RBMS3: variants seen among roughly 807,000 people sequenced by gnomAD.
RBMS3 encodes RNA binding motif single stranded interacting protein 3, also known as RNA-binding motif, single-stranded-interacting protein 3.
Under a neutral mutation model 66.8 loss-of-function variants are expected in RBMS3, and 27 were observed. The observed-to-expected ratio is 0.40, with a 90% CI of 0.30 to 0.56. The LOEUF (loss-of-function observed/expected upper bound fraction) is 0.56. RBMS3 is among the 20% of genes least tolerant of loss of function. The probability of loss-of-function intolerance (pLI) is 0.40; values close to 1 mark genes in which losing one functional copy is unlikely to be tolerated. For synonymous variants in RBMS3, 188 were observed against 183.0 expected, an observed-to-expected ratio of 1.03 and a Z score of -0.22; for missense variants, 513 against 549.5, an observed-to-expected ratio of 0.93 and a Z score of 0.66.
At chr3:29,285,204 A>C (rs112410595) in intron 1 of RBMS3, among the ~76,000 whole-genome samples, 1,596 of 113,598 alleles carry the variant, frequency 0.014, 37 homozygotes, top group African/African-American at 0.048. Flanking sequence ...GCTGAATTTC[A>C]TTCTGAATTT....
intron 4 of RBMS3, among the ~76,000 whole-genome samples, chr3:29,693,938 T>A (rs1290295792): frequency 6.6e-6 from 1 of 152,258 alleles, no homozygotes; most frequent in Non-Finnish European, 1.5e-5. Flanking sequence ...CACTGATTAC[T>A]GTAGACAGTG....
chr3:29,356,392 G>T (rs2037223596), intron 1 of RBMS3, among the ~76,000 whole-genome samples: 1 of 152,138 alleles, frequency 6.6e-6, no homozygotes, highest in East Asian at 1.9e-4. Flanking sequence ...CAAGCAATTA[G>T]ATTATAATAA....
chr3:29,869,956 G>A (rs989251589), intron 7 of RBMS3, among the ~76,000 whole-genome samples: 4 of 152,096 alleles, frequency 2.6e-5, no homozygotes, highest in African/African-American at 9.7e-5. Context: ...AAATCCTTTA[G>A]CCTTTTTTCA....
intron 3 of RBMS3, among the ~76,000 whole-genome samples, chr3:29,510,194 A>G (rs542764754): frequency 1.4e-4 from 21 of 152,314 alleles, no homozygotes; most frequent in South Asian, 2.1e-4. Context: ...ATTCTTTATC[A>G]AGTCTGAATT....
chr3:29,638,860 G>A (rs1227720855), intron 4 of RBMS3, among the ~76,000 whole-genome samples: 1 of 151,802 alleles, frequency 6.6e-6, no homozygotes, highest in Non-Finnish European at 1.5e-5. Context: ...TTGTTGATCA[G>A]ACATTGCTTC....
In RBMS3 at chr3:29,502,525, CT is replaced by C. The variant is rs1261120208; in HGVS notation, c.307+14028del. ...ACATGTAGTAGTTCTTATTCTCCCA[CT>C]TCCATCCCACTATAAACAGTATCGA... On this transcript the variant is annotated intron_variant, in intron 3 of 14. Transcript: ENST00000383767. Among the ~76,000 whole-genome samples the C allele has an allele frequency of 5.2e-4, 79 of 152,138 alleles. 1 individual carries two copies.
chr3:29,366,324 A>G (rs2037900711), intron 1 of RBMS3, among the ~76,000 whole-genome samples: 2 of 152,214 alleles, frequency 1.3e-5, no homozygotes, highest in Admixed American at 1.3e-4. Flanking sequence ...CAATTTGAGA[A>G]CTATAACATG....
chr3:29,451,028 G>A (rs1309004706), intron 2 of RBMS3, among the ~76,000 whole-genome samples: 3 of 151,842 alleles, frequency 2.0e-5, no homozygotes, highest in Non-Finnish European at 4.4e-5. Context: ...TGTCTTCATC[G>A]ACTCCCCCAC....
chr3:29,949,754 T>C (rs949447094), intron 12 of RBMS3, among the ~76,000 whole-genome samples: 2 of 151,302 alleles, frequency 1.3e-5, no homozygotes, highest in Admixed American at 6.6e-5. Flanking sequence ...TTTTTATATA[T>C]TTTTTTAATA....
intron 12 of RBMS3, among the ~76,000 whole-genome samples, chr3:29,974,725 C>T (rs1697444402): frequency 6.7e-6 from 1 of 150,220 alleles, no homozygotes; most frequent in South Asian, 2.1e-4. Context: ...TTTAATTCAA[C>T]ATTGTATCTG....
chr3:29,920,853 C>CAAAA (rs10576471), intron 10 of RBMS3, among the ~76,000 whole-genome samples: 3 of 98,022 alleles, frequency 3.1e-5, no homozygotes, highest in Admixed American at 1.1e-4. Flanking sequence ...CACGTGGTCT[C>CAAAA]AAAAAAAAAA....
intron 4 of RBMS3, among the ~76,000 whole-genome samples, chr3:29,608,786 G>A (rs2048396107): frequency 6.6e-6 from 1 of 152,120 alleles, no homozygotes; most frequent in South Asian, 2.1e-4. Context: ...GATCCAAATA[G>A]TCCCTGAGTG....
intron 3 of RBMS3, among the ~76,000 whole-genome samples, chr3:29,511,606 G>A (rs1247591705): frequency 6.6e-6 from 1 of 152,144 alleles, no homozygotes; most frequent in East Asian, 1.9e-4. Flanking sequence ...TGGAAATAAA[G>A]GGGAGCCAGG....
At chr3:29,482,230 G>T (rs2043152389) in intron 2 of RBMS3, among the ~76,000 whole-genome samples, 1 of 152,144 alleles carries the variant, frequency 6.6e-6, no homozygotes, top group African/African-American at 2.4e-5. Context: ...TAAGGTGACA[G>T]GTTATATATA....
intron 5 of RBMS3, among the ~76,000 whole-genome samples, chr3:29,760,252 A>AACACACACAC (rs139553062): frequency 1.4e-4 from 21 of 148,432 alleles, no homozygotes; most frequent in African/African-American, 4.8e-4. Context: ...ATGTAGAATA[A>AACACACACAC]ACACACACAC....
At chr3:29,605,321 G>A (rs7626149) in intron 4 of RBMS3, among the ~76,000 whole-genome samples, 2 of 151,532 alleles carry the variant, frequency 1.3e-5, no homozygotes, top group South Asian at 2.1e-4. Flanking sequence ...GGTTGTATAC[G>A]CTGTTAACAA....
chr3:29,295,305 C>CACACACATATATATATACATATA (rs1559467244), intron 1 of RBMS3, among the ~76,000 whole-genome samples: 1 of 4,654 alleles, frequency 2.1e-4, no homozygotes, highest in South Asian at 7.2e-3. Context: ...ACATATATAT[C>CACACACATATATATATACATATA]TATATATATA....
rs776096142 is a variant in RBMS3 at position 29,522,383 on chromosome 3, G to A, written c.307+33884G>A. Among the ~76,000 whole-genome samples the A allele has an allele frequency of 8.5e-4, 129 of 152,186 alleles. 1 individual carries two copies. The highest frequency in any genetic ancestry group is 6.8e-3 in the Middle Eastern group (2 of 292). On this transcript the variant is annotated intron_variant, in intron 3 of 14. Coordinates refer to ENST00000383767, the MANE Select transcript of RBMS3 (RefSeq NM_001003793.3). ...AATTTTTTGTAATTTTAGTAGAGACGGGGTTTTATCACGTTGGCCAGGCTG... is the reference window on the plus strand; with the variant it reads ...AATTTTTTGTAATTTTAGTAGAGACAGGGTTTTATCACGTTGGCCAGGCTG...
intron 9 of RBMS3, among the ~76,000 whole-genome samples, chr3:29,898,154 C>T (rs2060170951): frequency 6.6e-6 from 1 of 151,640 alleles, no homozygotes; most frequent in Non-Finnish European, 1.5e-5. Context: ...TCAAACAATA[C>T]TCCTTGTTTT....
Sources: gnomAD v4.1 joint callset for allele counts (sites outside exome capture counted in the v4.1 genomes callset) on GRCh38, gnomAD v4.1.1 for gene constraint, MANE v1.5 for transcripts, NCBI Gene and HGNC (gene_info 2026-07-23, HGNC 2026-07-21) for gene names.